Variants in PIGU observed in about 807,000 individuals in gnomAD.
The protein encoded by PIGU is GPI-anchor transamidase component PIGU.
Under a neutral mutation model 49.9 loss-of-function variants are expected in PIGU, and 24 were observed. The ratio of observed to expected loss-of-function variants is 0.48; its 90% CI spans 0.35 to 0.68. The LOEUF (loss-of-function observed/expected upper bound fraction) is 0.68, where lower values mean the gene tolerates loss of function less well. PIGU is among the 30% of genes least tolerant of loss of function. The probability of loss-of-function intolerance (pLI) is 0.01; values close to 1 mark genes in which losing one functional copy is unlikely to be tolerated. For synonymous variants in PIGU, 220 were observed against 205.7 expected (o/e 1.07, Z -0.59); for missense variants, 490 against 532.6 (o/e 0.92, Z 0.79).
At chr20:34,638,897 C>T (rs79307512) in intron 4 of PIGU, among the ~76,000 whole-genome samples, 4 of 152,266 alleles carry the variant, frequency 2.6e-5, no homozygotes, top group East Asian at 1.9e-4. Flanking sequence ...AAACCAAAAT[C>T]GGTGGCCCTG....
At chr20:34,628,028 TCCTCGGGTG>T (rs1985559966) in intron 6 of PIGU, among the ~76,000 whole-genome samples, 1 of 152,194 alleles carries the variant, frequency 6.6e-6, no homozygotes, top group Non-Finnish European at 1.5e-5. Flanking sequence ...ACCTAAGGCA[TCCTCGGGTG>T]CCACCCCAGA....
intron 1 of PIGU, among the ~76,000 whole-genome samples, chr20:34,674,663 A>G (rs1442003721): frequency 6.6e-6 from 1 of 152,150 alleles, no homozygotes; most frequent in Admixed American, 6.6e-5. Context: ...GTGGTAGCTT[A>G]TGCCTGTAAT....
Position 34,560,672 on chromosome 20 carries a change from G to A in PIGU, c.*194C>T. 4.4e-6 allele frequency: 2 copies of A among 459,058 alleles called. No homozygotes were observed. 28.4% of individuals were successfully genotyped at this position (459,058 alleles called of 1,614,324 possible). A position where few individuals can be genotyped will look rare whatever the true frequency, so the allele number is the denominator to read the frequency against. On this transcript the variant is annotated 3_prime_UTR_variant, in exon 12 of 12. Coordinates refer to ENST00000217446, the MANE Select transcript of PIGU (RefSeq NM_080476.5). ...GCCACAAGGTGGGGGTCCAAGTTGGGGAGCTCCCAGTTCTTCCCCATAGGC... is the reference window on the plus strand; with the variant it reads ...GCCACAAGGTGGGGGTCCAAGTTGGAGAGCTCCCAGTTCTTCCCCATAGGC...
chr20:34,588,358 A>G (rs1469136718), intron 8 of PIGU, 95 bp downstream of exon 8: 2 of 1,114,476 alleles, frequency 1.8e-6, no homozygotes, highest in Non-Finnish European at 1.2e-6. Flanking sequence ...ACAGTTTTCC[A>G]TAATGGCTGT....
chr20:34,675,956 T>C (rs1489012106), intron 1 of PIGU, among the ~76,000 whole-genome samples: 2 of 150,930 alleles, frequency 1.3e-5, no homozygotes, highest in Non-Finnish European at 2.9e-5. Flanking sequence ...CATGAGTGAA[T>C]ACAGTTTTTA....
At chr20:34,655,968 C>CTTTT (rs759103027) in intron 2 of PIGU, among the ~76,000 whole-genome samples, 24 of 76,768 alleles carry the variant, frequency 3.1e-4, no homozygotes, top group Non-Finnish European at 3.8e-4. Flanking sequence ...TTTCACTATT[C>CTTTT]TTTTTTTTTT....
intron 7 of PIGU, 26 bp downstream of exon 7, chr20:34,616,016 C>T (rs763354236): frequency 1.5e-5 from 24 of 1,587,680 alleles, no homozygotes; most frequent in Non-Finnish European, 1.9e-5. Flanking sequence ...CACTTGGGTG[C>T]TGGCTTCTGA....
chr20:34,610,173 C>T (rs1482244807), intron 7 of PIGU, among the ~76,000 whole-genome samples: 2 of 152,174 alleles, frequency 1.3e-5, no homozygotes, highest in African/African-American at 4.8e-5. Flanking sequence ...CTTACCACTC[C>T]TATTCAACAT....
chr20:34,619,728 A>C (rs1367378346), intron 6 of PIGU, among the ~76,000 whole-genome samples: 16 of 152,216 alleles, frequency 1.1e-4, no homozygotes, highest in Admixed American at 9.2e-4. Context: ...CCAAGAGAGA[A>C]AAAGAGGCTC....
At chr20:34,625,481 C>G (rs1985445364) in intron 6 of PIGU, among the ~76,000 whole-genome samples, 1 of 151,190 alleles carries the variant, frequency 6.6e-6, no homozygotes, top group Non-Finnish European at 1.5e-5. Context: ...GATCTATTTT[C>G]TAACTATTTT....
intron 11 of PIGU, among the ~76,000 whole-genome samples, chr20:34,574,484 C>A (rs973135556): frequency 1.3e-5 from 2 of 152,130 alleles, no homozygotes; most frequent in Non-Finnish European, 2.9e-5. Flanking sequence ...GACAGGCTTC[C>A]CAGCTCAGGG....
In PIGU at chr20:34,654,551, G is replaced by A; in HGVS notation, c.195+2629C>T. ...TCTGCCAGTAGTTCTTGTTATTGCA[G>A]TTTGATTAGATATTAACCCAGAGAT... On this transcript the variant is annotated intron_variant, in intron 2 of 11. Transcript: ENST00000217446. Among the ~76,000 whole-genome samples, 2 of 118,176 alleles carry A rather than the reference G, an allele frequency of 1.7e-5. 1 individual carries two copies. Among genetic ancestry groups the A allele is most frequent in the Non-Finnish European group, 3.6e-5 (2 of 55,846 alleles). The allele number at this position is 118,176 out of a possible 152,430, so 77.5% of individuals were successfully genotyped here. A position where few individuals can be genotyped will look rare whatever the true frequency, so the allele number is the denominator to read the frequency against.
rs139013230 is a variant in PIGU at position 34,610,838 on chromosome 20, C to G, written c.627+5204G>C. On this transcript the variant is annotated intron_variant, in intron 7 of 11. Transcript: ENST00000217446. ...AGGCTACAGCACCCAAAACAGCATG[C>G]TACTGCTACCAAAACAGAGATATAG... 3.9e-5 allele frequency among the ~76,000 whole-genome samples: 6 copies of G among 152,260 alleles called. No homozygotes were observed. The East Asian group carries it at 1.2e-3, about 29-fold the overall frequency.
rs1391972606 is a variant in PIGU, at chr20:34,657,205, G to A, written c.170C>T (p.Pro57Leu). 8.7e-6 allele frequency: 14 copies of A among 1,612,436 alleles called. No individual in the cohort carries two copies. Among genetic ancestry groups the A allele is most frequent in the South Asian group, 3.3e-5 (3 of 90,996 alleles). Residue 57 changes from proline to leucine, a missense_variant, in exon 2 of 12, where the codon CCG becomes CTG. Pro to Leu is a moderately conservative substitution (Grantham distance 98, BLOSUM62 -3). Transcript: ENST00000217446. The part of the protein sequence containing the change: ...GLSLLDLGVS[P>L]YSGAVFHETP... ...TTCATGAAATACTGCTCCAGAATACGGAGATACTCCCAAGTCCAACAGTGA... is the reference window on the plus strand; with the variant it reads ...TTCATGAAATACTGCTCCAGAATACAGAGATACTCCCAAGTCCAACAGTGA...
chr20:34,630,641 T>A (rs921102477), intron 6 of PIGU, among the ~76,000 whole-genome samples: 4 of 152,158 alleles, frequency 2.6e-5, no homozygotes, highest in Non-Finnish European at 4.4e-5. Flanking sequence ...GTGCTTCATT[T>A]AAAATTTTTT....
At chr20:34,596,667 G>C (rs181813274) in intron 7 of PIGU, among the ~76,000 whole-genome samples, 64 of 152,010 alleles carry the variant, frequency 4.2e-4, no homozygotes, top group Middle Eastern at 3.4e-3. Context: ...GTTCTACAAG[G>C]CCAGTATAAA....
intron 1 of PIGU, among the ~76,000 whole-genome samples, chr20:34,668,468 A>AT (rs1443631275): frequency 4.3e-4 from 57 of 131,174 alleles, no homozygotes; most frequent in Middle Eastern, 4.1e-3. Context: ...TCTCAAAAAA[A>AT]AAAAAAAAAA....
chr20:34,562,501 C>T, intron 11 of PIGU: 1 of 1,289,368 alleles, frequency 7.8e-7, no homozygotes. Context: ...GGAAGGTGTC[C>T]TGTCACCAGC....
Position 34,585,371 on chromosome 20 carries a change from G to A in PIGU, c.926+66C>T, listed in dbSNP as rs1265735591. On this transcript the variant is annotated intron_variant, in intron 9 of 11. Transcript: ENST00000217446. ...TCCACATTTGAAGGCCACCCTCAAGGCTACTAGAGGCAGGGGCTTCTCGGA... is the reference window on the plus strand; with the variant it reads ...TCCACATTTGAAGGCCACCCTCAAGACTACTAGAGGCAGGGGCTTCTCGGA... The A allele has an allele frequency of 2.0e-6, 3 of 1,524,522 alleles. No individual in the cohort carries two copies. In the East Asian group the frequency reaches 6.8e-5, roughly 34 times the overall value. 94.4% of individuals were successfully genotyped at this position (1,524,522 alleles called of 1,614,324 possible). A position where few individuals can be genotyped will look rare whatever the true frequency, so the allele number is the denominator to read the frequency against.
Sources: gnomAD v4.1 joint callset for allele counts (sites outside exome capture counted in the v4.1 genomes callset) on GRCh38, gnomAD v4.1.1 for gene constraint, MANE v1.5 for transcripts, NCBI Gene and HGNC (gene_info 2026-07-23, HGNC 2026-07-21) for gene names.